PTPRF: variants seen among roughly 807,000 people sequenced by gnomAD.
The protein encoded by PTPRF is protein tyrosine phosphatase receptor type F.
In PTPRF, 59 loss-of-function variants were observed where a neutral mutation model predicts 201.8. The ratio of observed to expected loss-of-function variants is 0.29; its 90% CI spans 0.24 to 0.36. The LOEUF is 0.36. PTPRF is among the 10% of genes least tolerant of loss of function. The pLI is 1.00. For missense variants in PTPRF, 2,132 were observed against 2,690.5 expected (o/e 0.79, Z 4.59); for synonymous variants, 1,088 against 1,089.7 (o/e 1.00, Z 0.03).
intron 13 of PTPRF, among the ~76,000 whole-genome samples, chr1:43,601,813 G>A (rs1557822625): frequency 6.6e-6 from 1 of 152,126 alleles, no homozygotes; most frequent in Non-Finnish European, 1.5e-5. Context: ...TCTGTCAGCG[G>A]GTCCTCTCCC....
chr1:43,622,652 T>A lies in PTPRF; in HGVS notation c.*649T>A, dbSNP rs1353077744. 6.6e-6 allele frequency: 1 copy of A among 152,670 alleles called. No individual in the cohort carries two copies. Among genetic ancestry groups the A allele is most frequent in the African/African-American group, 2.4e-5 (1 of 41,458 alleles). 9.5% of individuals were successfully genotyped at this position (152,670 alleles called of 1,614,324 possible). On this transcript the variant is annotated 3_prime_UTR_variant, in exon 34 of 34. Coordinates refer to ENST00000359947, the MANE Select transcript of PTPRF (RefSeq NM_002840.5). ...CTAAATGCAGGGAAACTCAATGTTT[T>A]TTTAAGTTTTGTTTTCCCTTTAAAG... is the stretch of plus-strand genomic sequence containing the variant.
At chr1:43,555,518 T>A (rs1435407333) in intron 5 of PTPRF, among the ~76,000 whole-genome samples, 1 of 148,370 alleles carries the variant, frequency 6.7e-6, no homozygotes, top group African/African-American at 2.5e-5. Context: ...CCATCTTGGC[T>A]CACTGCAGCC....
Position 43,604,180 on chromosome 1 carries a change from G to T in PTPRF, c.3028G>T (p.Val1010Leu), listed in dbSNP as rs758129822. Residue 1010 changes from valine to leucine, a missense_variant, in exon 16 of 34, where the codon GTG becomes TTG. Val to Leu is a conservative substitution (Grantham distance 32, BLOSUM62 1). This residue lies in a region of PTPRF where 818 missense variants were observed against 915.3 expected (regional missense o/e 0.89). Coordinates refer to ENST00000359947, the MANE Select transcript of PTPRF (RefSeq NM_002840.5). ...SPSIQSRTMPVEQVFAKNFRV... is the reference protein window; with the variant it reads ...SPSIQSRTMPLEQVFAKNFRV... The stretch of plus-strand genomic sequence containing the variant: ...CAGCATCCAGTCCCGGACCATGCCG[G>T]TGGAGCAAGGTGTGTGCTGTGGACA... 2 of 1,613,468 alleles carry T rather than the reference G, an allele frequency of 1.2e-6. No individual in the cohort carries two copies. The highest frequency in any genetic ancestry group is 1.7e-6 in the Non-Finnish European group (2 of 1,179,712).
In PTPRF at chr1:43,591,092, C is replaced by T. The variant is rs142785985; in HGVS notation, c.1070C>T (p.Ala357Val). The change falls in exon 9 of 34, where the codon GCG becomes GTG. Residue 357 changes from alanine (A) to valine (V), a missense_variant. Coordinates refer to ENST00000359947, the MANE Select transcript of PTPRF (RefSeq NM_002840.5). ...TACTATGGCATCCAGTACCGCGCAG[C>T]GGGCACGGAGGGCCCCTTTCAGGAG... The part of the protein sequence containing the change: ...VTYYGIQYRA[A>V]GTEGPFQEVD... The T allele has an allele frequency of 5.6e-5, 91 of 1,613,928 alleles. No homozygotes were observed. The highest frequency in any genetic ancestry group is 8.3e-5 in the Admixed American group (5 of 60,036).
chr1:43,587,042 C>A (rs1354526242), intron 7 of PTPRF, among the ~76,000 whole-genome samples: 1 of 152,204 alleles, frequency 6.6e-6, no homozygotes, highest in Non-Finnish European at 1.5e-5. Context: ...ACAGATCCAG[C>A]CCACCAGCAC....
chr1:43,606,368 G>C lies in PTPRF; in HGVS notation c.3612G>C (p.Lys1204Asn). The change falls in exon 20 of 34, where the codon AAG (lysine) becomes AAC (asparagine). Residue 1204 changes from lysine (K) to asparagine (N), a missense_variant. By Grantham distance (94) the Lys-to-Asn change is moderately conservative. This residue lies in a region of PTPRF where 818 missense variants were observed against 915.3 expected (regional missense o/e 0.89). Transcript: ENST00000359947. ...AGACCTTTACCTTGGGGGACAAGAA[G>C]AACTACCGGGGCTTCTACAACCGGC... ...LPETFTLGDKKNYRGFYNRPL... is the reference protein window; with the variant it reads ...LPETFTLGDKNNYRGFYNRPL... 1 of 1,614,186 alleles carries C rather than the reference G, an allele frequency of 6.2e-7. No homozygotes were observed.
At chr1:43,575,783 CAA>C in intron 6 of PTPRF, 1 of 831,926 alleles carries the variant, frequency 1.2e-6, no homozygotes, top group Non-Finnish European at 1.7e-6. Flanking sequence ...ACTCAGGCCT[CAA>C]TTTCTCCATG....
At chr1:43,591,618 G>A (rs1363413119) in intron 9 of PTPRF, 65 bp downstream of exon 9, 1 of 1,480,808 alleles carries the variant, frequency 6.8e-7, no homozygotes, top group Non-Finnish European at 9.0e-7. Context: ...TTGTGGCGGT[G>A]CCTTTCCCCC....
intron 5 of PTPRF, among the ~76,000 whole-genome samples, chr1:43,560,827 C>T (rs529685123): frequency 1.3e-5 from 2 of 152,292 alleles, no homozygotes; most frequent in East Asian, 1.9e-4. Flanking sequence ...GGGACCCTTT[C>T]CTCTCCCTCC....
At chr1:43,589,032 T>A in intron 8 of PTPRF, 32 bp downstream of exon 8, 1 of 1,503,874 alleles carries the variant, frequency 6.6e-7, no homozygotes, top group Non-Finnish European at 8.9e-7. Context: ...ACCAGTGCCC[T>A]CCCTGTCATC....
At chr1:43,607,063 GC>G in intron 21 of PTPRF, 95 bp downstream of exon 21, 1 of 1,499,930 alleles carries the variant, frequency 6.7e-7, no homozygotes, top group East Asian at 2.3e-5. Context: ...GTGCAGCCTT[GC>G]ATCCTGGACC....
chr1:43,566,257 G>A (rs994171370), intron 5 of PTPRF, among the ~76,000 whole-genome samples: 4 of 152,210 alleles, frequency 2.6e-5, no homozygotes, highest in Admixed American at 2.6e-4. Flanking sequence ...GTGTGACCTT[G>A]GGCAGGTGTC....
chr1:43,549,707 T>C (rs1249932295), intron 3 of PTPRF, among the ~76,000 whole-genome samples: 1 of 151,836 alleles, frequency 6.6e-6, no homozygotes, highest in African/African-American at 2.4e-5. Context: ...TACAAAAAAT[T>C]AGCCAGGCAT....
rs150660901 is a variant in PTPRF, at chr1:43,569,746, C to T, written c.536C>T (p.Thr179Met). 1.5e-4 allele frequency: 240 copies of T among 1,612,964 alleles called. No homozygotes were observed. The highest frequency in any genetic ancestry group is 1.9e-4 in the Non-Finnish European group (226 of 1,179,272). ...GACTTCCTTCCTGTAGACCCTGCCA[C>T]GAGCAACGGCCGCATCAAGCAGCTG... Reference protein sequence around the residue: ...FKDFLPVDPATSNGRIKQLRS... With the variant: ...FKDFLPVDPAMSNGRIKQLRS... Residue 179 changes from threonine (T) to methionine (M), a missense_variant, in exon 6 of 34, where the codon ACG (threonine) becomes ATG (methionine). By Grantham distance (81) the Thr-to-Met change is moderately conservative. This residue lies in a region of PTPRF where 297 missense variants were observed against 454.0 expected (regional missense o/e 0.65). Coordinates refer to ENST00000359947, the MANE Select transcript of PTPRF (RefSeq NM_002840.5).
chr1:43,525,804 C>CAAAAAAAAAAAAAAA (rs1179056466), upstream of PTPRF, among the ~76,000 whole-genome samples: 1 of 35,566 alleles, frequency 2.8e-5, no homozygotes, highest in Non-Finnish European at 4.7e-5. Flanking sequence ...GACTCAGTCT[C>CAAAAAAAAAAAAAAA]AAAAAAAAAA....
At chr1:43,608,909 A>G (rs914904294) in intron 21 of PTPRF, among the ~76,000 whole-genome samples, 2 of 152,092 alleles carry the variant, frequency 1.3e-5, no homozygotes, top group African/African-American at 4.8e-5. Flanking sequence ...AGCTAGGGTG[A>G]CGCCTTTCCC....
chr1:43,602,957 CA>C (rs1654131083), intron 14 of PTPRF, among the ~76,000 whole-genome samples: 1 of 152,168 alleles, frequency 6.6e-6, no homozygotes, highest in Non-Finnish European at 1.5e-5. Context: ...CACCTTAGCC[CA>C]TCCTGCCACC....
intron 5 of PTPRF, among the ~76,000 whole-genome samples, chr1:43,561,640 T>C (rs1466124564): frequency 6.6e-6 from 1 of 152,136 alleles, no homozygotes; most frequent in African/African-American, 2.4e-5. Flanking sequence ...CCAGCTGCTG[T>C]AGTCCTCTGT....
chr1:43,568,892 C>G (rs935729623), intron 5 of PTPRF, among the ~76,000 whole-genome samples: 1 of 152,208 alleles, frequency 6.6e-6, no homozygotes, highest in Admixed American at 6.5e-5. Flanking sequence ...TTTTTATCTC[C>G]TTTGCCTCCA....
Sources: allele counts gnomAD v4.1 joint callset (sites outside exome capture counted in the v4.1 genomes callset), GRCh38; gene constraint gnomAD v4.1.1; regional missense constraint gnomAD v4.1.1; transcripts MANE v1.5; gene names NCBI Gene and HGNC (gene_info 2026-07-23, HGNC 2026-07-21).